RGPD8: variants seen among roughly 807,000 people sequenced by gnomAD.
RGPD8 encodes the protein RANBP2-like and GRIP domain-containing protein 8.
RGPD8 carries 15 observed loss-of-function variants against 89.1 expected under a neutral mutation model. The ratio of observed to expected loss-of-function variants is 0.17; its 90% CI spans 0.11 to 0.26. RGPD8 has a LOEUF of 0.26. Among genes scored for constraint, RGPD8 ranks in the 10% least tolerant of loss-of-function variants. The pLI, the probability that RGPD8 is intolerant of heterozygous loss-of-function variation, is 1.00. For synonymous variants in RGPD8, 62 were observed against 420.9 expected, an observed-to-expected ratio of 0.15 and a Z score of 10.44; for missense variants, 178 against 1,179.6, an observed-to-expected ratio of 0.15 and a Z score of 12.44.
At chr2:112,415,110 G>A (rs1329752285) in intron 6 of RGPD8, among the ~76,000 whole-genome samples, 11 of 148,450 alleles carry the variant, frequency 7.4e-5, no homozygotes, top group African/African-American at 1.3e-4. Flanking sequence ...TGGGCTGGGC[G>A]CGGTGGCTCA....
At chr2:112,433,274 C>T (rs953664064) in intron 1 of RGPD8, 108 bp downstream of exon 1, 2 of 1,212,044 alleles carry the variant, frequency 1.7e-6, no homozygotes, top group African/African-American at 1.7e-5. Context: ...GGGAGCAGCG[C>T]CCGTCGGGAG....
At chr2:112,415,903 G>A (rs1302186430) in intron 6 of RGPD8, among the ~76,000 whole-genome samples, 1 of 150,914 alleles carries the variant, frequency 6.6e-6, no homozygotes, top group African/African-American at 2.4e-5. Context: ...GAGAGATTGA[G>A]ACCATCCTGA....
At chr2:112,377,333 G>C (rs1422672492) in intron 22 of RGPD8, among the ~76,000 whole-genome samples, 1 of 101,132 alleles carries the variant, frequency 9.9e-6, no homozygotes, top group Non-Finnish European at 2.1e-5. Flanking sequence ...TCAGGCTGGA[G>C]TACAGTGGCG....
At chr2:112,430,807 A>G (rs1375280411) in intron 1 of RGPD8, among the ~76,000 whole-genome samples, 3 of 152,028 alleles carry the variant, frequency 2.0e-5, no homozygotes, top group Non-Finnish European at 4.4e-5. Flanking sequence ...CATTAAAGAA[A>G]AAAGCCGGGC....
At chr2:112,431,756 C>G (rs13408170) in intron 1 of RGPD8, among the ~76,000 whole-genome samples, 45,788 of 151,840 alleles carry the variant, frequency 0.3, 8,611 homozygotes, top group Middle Eastern at 0.55. Context: ...CCTGCCTCAG[C>G]CTCCCAGGTA....
At chr2:112,402,533 G>GAAAAGAAAAGAAAA (rs1172989175) in intron 9 of RGPD8, among the ~76,000 whole-genome samples, 102 of 150,454 alleles carry the variant, frequency 6.8e-4, no homozygotes, top group South Asian at 1.5e-3. Context: ...GAAAAGAAAA[G>GAAAAGAAAAGAAAA]GTTATGCGCT....
chr2:112,425,086 C>CA (rs1277184865), intron 1 of RGPD8, among the ~76,000 whole-genome samples: 2 of 151,978 alleles, frequency 1.3e-5, no homozygotes, highest in Non-Finnish European at 2.9e-5. Flanking sequence ...ACATAACATA[C>CA]AAAAAATAAA....
chr2:112,432,439 C>T (rs916288572), intron 1 of RGPD8: 2 of 979,672 alleles, frequency 2.0e-6, no homozygotes, highest in African/African-American at 3.5e-5. Flanking sequence ...TACAAAGGGA[C>T]AGCGACAAAC....
chr2:112,430,275 T>G (rs1464337041), intron 1 of RGPD8, among the ~76,000 whole-genome samples: 1 of 152,176 alleles, frequency 6.6e-6, no homozygotes, highest in Non-Finnish European at 1.5e-5. Context: ...CTTCATATTC[T>G]TCACAGCCAC....
Position 112,427,083 on chromosome 2 carries a change from C to G in RGPD8, c.73-2776G>C, listed in dbSNP as rs1027976408. On this transcript the variant is annotated intron_variant, in intron 1 of 22. Transcript: ENST00000302558. The stretch of plus-strand genomic sequence containing the variant: ...GTGCTGGGATTACAGGCATCAGCCA[C>G]CGAGCCCGGCCAGTTCCCCCTTTTC... Among the ~76,000 whole-genome samples, 39 of 152,198 alleles carry G rather than the reference C, an allele frequency of 2.6e-4. 1 individual carries two copies. Among genetic ancestry groups the G allele is most frequent in the South Asian group, 1.9e-3 (9 of 4,820 alleles).
chr2:112,423,706 TAA>T (rs3979360), intron 2 of RGPD8, among the ~76,000 whole-genome samples: 1 of 108,862 alleles, frequency 9.2e-6, no homozygotes, highest in African/African-American at 3.4e-5. Context: ...AGATACTGCC[TAA>T]AAAAAAAAAA....
intron 1 of RGPD8, among the ~76,000 whole-genome samples, chr2:112,426,374 G>A (rs1401358528): frequency 2.0e-5 from 3 of 150,870 alleles, no homozygotes; most frequent in Non-Finnish European, 3.0e-5. Context: ...GTCCTGGGTA[G>A]GACGGAGCAG....
intron 22 of RGPD8, among the ~76,000 whole-genome samples, chr2:112,373,499 T>A (rs1449205024): frequency 1.3e-5 from 2 of 152,284 alleles, no homozygotes; most frequent in African/African-American, 4.8e-5. Flanking sequence ...CTATTCCTCA[T>A]TAACTCACAG....
chr2:112,427,624 C>T (rs1468359153), intron 1 of RGPD8, among the ~76,000 whole-genome samples: 1 of 152,004 alleles, frequency 6.6e-6, no homozygotes, highest in Admixed American at 6.6e-5. Context: ...TTGTGGCCTA[C>T]TTTTTCATTA....
chr2:112,420,943 GA>G (rs1448506924), intron 4 of RGPD8, among the ~76,000 whole-genome samples: 28 of 152,278 alleles, frequency 1.8e-4, no homozygotes, highest in Admixed American at 5.2e-4. Flanking sequence ...CTTGAGACCA[GA>G]AGTATTTCAG....
In RGPD8 at chr2:112,425,961, T is replaced by C. The variant is rs547504544; in HGVS notation, c.73-1654A>G. ...ACCCACAAATTTAATGTCTTGTCCA[T>C]CTCAACTAAGCACTTATCACACACT... On this transcript the variant is annotated intron_variant, in intron 1 of 22. Transcript: ENST00000302558. Among the ~76,000 whole-genome samples, 31 of 152,154 alleles carry C rather than the reference T, an allele frequency of 2.0e-4. No individual in the cohort carries two copies. In the South Asian group the frequency reaches 6.4e-3, roughly 32 times the overall value.
rs1010759006 is a variant in RGPD8 at position 112,432,916 on chromosome 2, G to GC, written c.72+465dup. On this transcript the variant is annotated intron_variant, in intron 1 of 22. Transcript: ENST00000302558. ...TCAACAGAGCGCGCCAGGGAGCAGC[G>GC]CCCTCGGGAGCCATGACCCCTGACC... Among the ~76,000 whole-genome samples, 6 of 142,710 alleles carry GC rather than the reference G, an allele frequency of 4.2e-5. 1 individual carries two copies. Among genetic ancestry groups the GC allele is most frequent in the Admixed American group, 3.4e-4 (5 of 14,536 alleles). The allele number at this position is 142,710 out of a possible 152,430, so 93.6% of individuals were successfully genotyped here.
At chr2:112,424,147 C>G (rs975109236) in intron 2 of RGPD8, 93 bp downstream of exon 2, 1 of 1,405,906 alleles carries the variant, frequency 7.1e-7, no homozygotes, top group African/African-American at 1.4e-5. Flanking sequence ...TTAGGAAGAA[C>G]TACTAAGAAC....
intron 1 of RGPD8, among the ~76,000 whole-genome samples, chr2:112,431,018 G>T (rs1018501793): frequency 5.9e-5 from 9 of 151,600 alleles, no homozygotes; most frequent in Non-Finnish European, 1.5e-5. Flanking sequence ...TTGGGAAGTG[G>T]AGGCGGGGAA....
Sources: gnomAD v4.1 joint callset for allele counts (sites outside exome capture counted in the v4.1 genomes callset) on GRCh38, gnomAD v4.1.1 for gene constraint, MANE v1.5 for transcripts, NCBI Gene and HGNC (gene_info 2026-07-23, HGNC 2026-07-21) for gene names.